The following LHX4 variants were observed in gnomAD, a reference collection of about 807,000 sequenced individuals.
The protein encoded by LHX4 is LIM/homeobox protein Lhx4.
LHX4 carries 16 observed loss-of-function variants against 39.2 expected under a neutral mutation model. The ratio of observed to expected loss-of-function variants is 0.41; its 90% CI spans 0.28 to 0.62. The LOEUF is 0.62. Among genes scored for constraint, LHX4 ranks in the 20% least tolerant of loss-of-function variants. The pLI, the probability that LHX4 is intolerant of heterozygous loss-of-function variation, is 0.33. For missense variants in LHX4, 439 were observed against 511.9 expected, an observed-to-expected ratio of 0.86 and a Z score of 1.37; for synonymous variants, 206 against 198.1, an observed-to-expected ratio of 1.04 and a Z score of -0.33.
intron 2 of LHX4, among the ~76,000 whole-genome samples, chr1:180,252,167 C>T (rs1647653511): frequency 6.6e-6 from 1 of 152,196 alleles, no homozygotes; most frequent in Non-Finnish European, 1.5e-5. Flanking sequence ...CTCATCCCAT[C>T]TCATTAGATG....
At chr1:180,256,947 CA>C (rs1358275135) in intron 2 of LHX4, among the ~76,000 whole-genome samples, 1 of 152,240 alleles carries the variant, frequency 6.6e-6, no homozygotes, top group African/African-American at 2.4e-5. Context: ...TCCCTCCCTA[CA>C]AGGGCAGGTG....
At position 180,266,622 on chromosome 1, in the gene LHX4, C is replaced by A. The variant is rs777054790; in HGVS notation, c.451+28C>A. ...AAGCAGCATGGCCCCGCATGGTCCC[C>A]TCTCCAGGCCTTTGTTTGGGCCACG... On this transcript the variant is annotated intron_variant, in intron 3 of 5. Transcript: ENST00000263726. The surrounding 1 kb of genome is among the most constrained non-coding windows in gnomAD (Gnocchi z 5.7). The A allele has an allele frequency of 6.2e-7, 1 of 1,607,026 alleles. No individual in the cohort carries two copies. Among genetic ancestry groups the A allele is most frequent in the South Asian group, 1.1e-5 (1 of 90,380 alleles).
Position 180,277,988 on chromosome 1 carries a change from T to C in LHX4, c.*3409T>C, listed in dbSNP as rs1213074029. 2.6e-5 allele frequency: 4 copies of C among 152,240 alleles called. No individual in the cohort carries two copies. Among genetic ancestry groups the C allele is most frequent in the Non-Finnish European group, 4.4e-5 (3 of 68,004 alleles). The allele number at this position is 152,240 out of a possible 1,614,324, so 9.4% of individuals were successfully genotyped here. On this transcript the variant is annotated 3_prime_UTR_variant, in exon 6 of 6. Transcript: ENST00000263726. ...TAAGAAATCTGTAAAACAAAAGACA[T>C]TCCTATCTCAGAAGCTCAAACTGGT...
At position 180,271,890 on chromosome 1, in the gene LHX4, G is replaced by A. The variant is rs569913726; in HGVS notation, c.662G>A (p.Arg221Gln). 15 of 1,613,658 alleles carry A rather than the reference G, an allele frequency of 9.3e-6. No individual in the cohort carries two copies. Among genetic ancestry groups the A allele is most frequent in the East Asian group, 4.5e-5 (2 of 44,798 alleles). ...KEKRLKKDAG[R>Q]HRWGQFYKSV... ...AAACGCCTGAAGAAGGATGCAGGGCGGCACCGCTGGGGGCAGTTCTATAAG... is the reference window on the plus strand; with the variant it reads ...AAACGCCTGAAGAAGGATGCAGGGCAGCACCGCTGGGGGCAGTTCTATAAG... The change falls in exon 5 of 6, where the codon CGG (arginine) becomes CAG (glutamine). Residue 221 changes from arginine (R) to glutamine (Q), a missense_variant. By Grantham distance (43) the Arg-to-Gln change is conservative. Coordinates refer to ENST00000263726, the MANE Select transcript of LHX4 (RefSeq NM_033343.4).
At chr1:180,251,854 TTGACTCTG>T (rs1323261542) in intron 2 of LHX4, among the ~76,000 whole-genome samples, 8 of 152,308 alleles carry the variant, frequency 5.3e-5, no homozygotes, top group African/African-American at 1.7e-4. Context: ...GTTTGGGCCA[TTGACTCTG>T]TGATGGGGTG....
At chr1:180,262,726 C>T (rs1202173240) in intron 2 of LHX4, among the ~76,000 whole-genome samples, 1 of 151,500 alleles carries the variant, frequency 6.6e-6, no homozygotes, top group Non-Finnish European at 1.5e-5. Flanking sequence ...TTATGGAGAG[C>T]CAAGCCTCCC....
Position 180,232,072 on chromosome 1 carries a change from G to T in LHX4, c.76+1467G>T, listed in dbSNP as rs1664196623. ...ATAGAAGGCATTGGAGATTCACTAC[G>T]CCCCACACCCCGCACACAGGCAGGG... is the stretch of plus-strand genomic sequence containing the variant. On this transcript the variant is annotated intron_variant, in intron 1 of 5. Coordinates refer to ENST00000263726, the MANE Select transcript of LHX4 (RefSeq NM_033343.4). The surrounding 1 kb of genome is among the most constrained non-coding windows in gnomAD (Gnocchi z 5.4). 6.6e-6 allele frequency among the ~76,000 whole-genome samples: 1 copy of T among 152,128 alleles called. No individual in the cohort carries two copies. The highest frequency in any genetic ancestry group is 2.1e-4 in the South Asian group (1 of 4,826).
At chr1:180,229,967 G>GGGGGGCGGC (rs1422396560), upstream of LHX4, among the ~76,000 whole-genome samples, 6 of 126,636 alleles carry the variant, frequency 4.7e-5, 1 homozygote, top group South Asian at 1.6e-3. Context: ...GGCGGGGAGG[G>GGGGGGCGGC]GGGGGGGGTG....
chr1:180,276,745 G>T lies in LHX4; in HGVS notation c.*2166G>T, dbSNP rs1206245669. 2 of 151,538 alleles carry T rather than the reference G, an allele frequency of 1.3e-5. No homozygotes were observed. Among genetic ancestry groups the T allele is most frequent in the African/African-American group, 4.8e-5 (2 of 41,250 alleles). The allele number at this position is 151,538 out of a possible 1,614,324, so 9.4% of individuals were successfully genotyped here. A position where few individuals can be genotyped will look rare whatever the true frequency, so the allele number is the denominator to read the frequency against. ...CTGCCCACCCAGATCACTGTTGCAG[G>T]TTGACTATTTGGCTTAGCAACTCAT... On this transcript the variant is annotated 3_prime_UTR_variant, in exon 6 of 6. Transcript: ENST00000263726.
At position 180,274,256 on chromosome 1, in the gene LHX4, C is replaced by G. The variant is rs959958317; in HGVS notation, c.850C>G (p.Gln284Glu). 3 of 1,614,106 alleles carry G rather than the reference C, an allele frequency of 1.9e-6. No homozygotes were observed. Among genetic ancestry groups the G allele is most frequent in the African/African-American group, 1.3e-5 (1 of 74,940 alleles). Residue 284 changes from glutamine (Q) to glutamate (E), a missense_variant, in exon 6 of 6, where the codon CAG becomes GAG. Transcript: ENST00000263726. ...YGNVGDVTGGQLMNGSFSMDG... is the reference protein window; with the variant it reads ...YGNVGDVTGGELMNGSFSMDG... ...CAACGTGGGGGACGTTACAGGCGGACAGTTAATGAATGGGAGCTTCTCCAT... is the reference window on the plus strand; with the variant it reads ...CAACGTGGGGGACGTTACAGGCGGAGAGTTAATGAATGGGAGCTTCTCCAT...
intron 2 of LHX4, among the ~76,000 whole-genome samples, chr1:180,256,113 C>T (rs897115509): frequency 6.6e-6 from 1 of 152,238 alleles, no homozygotes; most frequent in East Asian, 1.9e-4. Context: ...CCTCTCTGGA[C>T]ATTCCTGCAG....
chr1:180,230,660 C>T lies in LHX4; in HGVS notation c.76+55C>T. The T allele has an allele frequency of 6.5e-7, 1 of 1,533,776 alleles. No homozygotes were observed. The highest frequency in any genetic ancestry group is 1.7e-5 in the Admixed American group (1 of 59,126). ...ATTCTAACAAGACAGCTAGCAGCCT[C>T]AGCCGCTGCGGGGCGGGCCGGACGC... On this transcript the variant is annotated intron_variant, in intron 1 of 5. Coordinates refer to ENST00000263726, the MANE Select transcript of LHX4 (RefSeq NM_033343.4). The surrounding 1 kb of genome is among the most constrained non-coding windows in gnomAD (Gnocchi z 5.8).
At chr1:180,258,839 A>T (rs917623049) in intron 2 of LHX4, among the ~76,000 whole-genome samples, 2 of 151,136 alleles carry the variant, frequency 1.3e-5, no homozygotes, top group Non-Finnish European at 3.0e-5. Flanking sequence ...TAGTAATAAT[A>T]ATTATTATTA....
intron 1 of LHX4, among the ~76,000 whole-genome samples, chr1:180,240,178 C>T (rs1485950143): frequency 6.6e-6 from 1 of 152,160 alleles, no homozygotes; most frequent in Non-Finnish European, 1.5e-5. Context: ...CTCAGAGCAT[C>T]GTTAAATAAA....
At chr1:180,249,090 G>C (rs1305110466) in intron 2 of LHX4, among the ~76,000 whole-genome samples, 2 of 152,222 alleles carry the variant, frequency 1.3e-5, no homozygotes, top group African/African-American at 2.4e-5. Flanking sequence ...CTCTTGGGTA[G>C]GTTACTTAAC....
intron 1 of LHX4, among the ~76,000 whole-genome samples, chr1:180,235,311 AC>A (rs1321348166): frequency 6.6e-6 from 1 of 152,186 alleles, no homozygotes; most frequent in Non-Finnish European, 1.5e-5. Context: ...CAGGCCTGGG[AC>A]CCCTTTGCTG....
intron 2 of LHX4, among the ~76,000 whole-genome samples, chr1:180,256,807 A>G (rs1647876997): frequency 6.6e-6 from 1 of 152,160 alleles, no homozygotes; most frequent in Non-Finnish European, 1.5e-5. Flanking sequence ...AGCTTGGCAG[A>G]GGCTGATTGG....
At chr1:180,239,199 AT>A (rs1484085475) in intron 1 of LHX4, among the ~76,000 whole-genome samples, 3 of 152,206 alleles carry the variant, frequency 2.0e-5, no homozygotes, top group Non-Finnish European at 2.9e-5. Context: ...TTGTTGATGC[AT>A]TTTAGAATTA....
At chr1:180,246,005 T>C (rs1279383499) in intron 1 of LHX4, among the ~76,000 whole-genome samples, 2 of 148,648 alleles carry the variant, frequency 1.3e-5, no homozygotes, top group Admixed American at 6.7e-5. Context: ...ACTGTGGAGA[T>C]AGAAAAAAAA....
Sources: gnomAD v4.1 joint callset for allele counts (sites outside exome capture counted in the v4.1 genomes callset) on GRCh38, gnomAD v4.1.1 for gene constraint, Gnocchi (gnomAD v3.1) non-coding constraint, MANE v1.5 for transcripts, NCBI Gene and HGNC (gene_info 2026-07-23, HGNC 2026-07-21) for gene names.